Variants in PCCA observed in about 807,000 individuals in gnomAD.
The protein encoded by PCCA is propionyl-CoA carboxylase subunit alpha.
Under a neutral mutation model 101.3 loss-of-function variants are expected in PCCA, and 74 were observed. The ratio of observed to expected loss-of-function variants is 0.73; its 90% CI spans 0.61 to 0.89. PCCA has a LOEUF of 0.89. Among genes scored for constraint, PCCA ranks in the 40% least tolerant of loss-of-function variants. The pLI is 0.00. For missense variants in PCCA, 891 were observed against 907.0 expected (o/e 0.98, Z 0.23); for synonymous variants, 294 against 313.6 (o/e 0.94, Z 0.66).
At chr13:100,240,367 A>G (rs2061045961) in intron 8 of PCCA, among the ~76,000 whole-genome samples, 1 of 149,232 alleles carries the variant, frequency 6.7e-6, no homozygotes, top group African/African-American at 2.5e-5. Context: ...GCCTTAGGAT[A>G]AGTTTTTTTT....
chr13:100,182,859 G>A (rs1489490374), intron 6 of PCCA, among the ~76,000 whole-genome samples: 1 of 152,096 alleles, frequency 6.6e-6, no homozygotes, highest in African/African-American at 2.4e-5. Context: ...TGCCACTCCC[G>A]TCTGTTCAGA....
intron 17 of PCCA, among the ~76,000 whole-genome samples, chr13:100,331,404 CA>C (rs1381149071): frequency 6.6e-6 from 1 of 152,156 alleles, no homozygotes; most frequent in Non-Finnish European, 1.5e-5. Flanking sequence ...TCCCATATTT[CA>C]AGTGTTCTTT....
At chr13:100,311,413 T>C (rs1339833486) in intron 16 of PCCA, among the ~76,000 whole-genome samples, 1 of 152,154 alleles carries the variant, frequency 6.6e-6, no homozygotes, top group Non-Finnish European at 1.5e-5. Context: ...CTGGCTTATG[T>C]TGTTCAATAA....
At chr13:100,326,014 G>A (rs1395372303) in intron 16 of PCCA, among the ~76,000 whole-genome samples, 2 of 152,146 alleles carry the variant, frequency 1.3e-5, no homozygotes, top group East Asian at 1.9e-4. Context: ...GTATGGAAAC[G>A]ATCGTTGACA....
intron 21 of PCCA, among the ~76,000 whole-genome samples, chr13:100,483,328 C>T (rs2084103520): frequency 6.6e-6 from 1 of 152,212 alleles, no homozygotes; most frequent in South Asian, 2.1e-4. Context: ...AAGCTTCCCA[C>T]TGTTCTCAGC....
At chr13:100,210,126 C>T (rs2059119273) in intron 7 of PCCA, among the ~76,000 whole-genome samples, 1 of 151,636 alleles carries the variant, frequency 6.6e-6, no homozygotes, top group Non-Finnish European at 1.5e-5. Context: ...TGCAGACACA[C>T]ACCACCACAC....
At chr13:100,459,671 A>G (rs1262229728) in intron 21 of PCCA, among the ~76,000 whole-genome samples, 1 of 152,224 alleles carries the variant, frequency 6.6e-6, no homozygotes, top group African/African-American at 2.4e-5. Context: ...CCTTGAGAAC[A>G]AATTGCTTGA....
At chr13:100,188,160 G>T (rs574689989) in intron 6 of PCCA, among the ~76,000 whole-genome samples, 1 of 152,334 alleles carries the variant, frequency 6.6e-6, no homozygotes, top group South Asian at 2.1e-4. Flanking sequence ...GGATGTGGTG[G>T]CACATGCCTG....
At chr13:100,320,879 G>T (rs2067955809) in intron 16 of PCCA, among the ~76,000 whole-genome samples, 1 of 152,126 alleles carries the variant, frequency 6.6e-6, no homozygotes, top group African/African-American at 2.4e-5. Context: ...TGACTCCTGA[G>T]TAGCTGGGAC....
In PCCA at chr13:100,530,425, A is replaced by G; in HGVS notation, c.*259A>G. ...CAAAATTAAATCAATAAAACTGAGC[A>G]TTTGTCTAAATATTAGTTTGCCCTT... On this transcript the variant is annotated 3_prime_UTR_variant, in exon 24 of 24. Coordinates refer to ENST00000376285, the MANE Select transcript of PCCA (RefSeq NM_000282.4). 1.8e-6 allele frequency: 1 copy of G among 566,054 alleles called. No homozygotes were observed. The highest frequency in any genetic ancestry group is 3.2e-6 in the Non-Finnish European group (1 of 315,690). The allele number at this position is 566,054 out of a possible 1,614,324, so 35.1% of individuals were successfully genotyped here. A position where few individuals can be genotyped will look rare whatever the true frequency, so the allele number is the denominator to read the frequency against.
At chr13:100,313,493 T>TTA (rs2067096859) in intron 16 of PCCA, among the ~76,000 whole-genome samples, 1 of 151,998 alleles carries the variant, frequency 6.6e-6, no homozygotes, top group Admixed American at 6.6e-5. Context: ...GGGGATGAAA[T>TTA]TATAGGTGCT....
intron 19 of PCCA, among the ~76,000 whole-genome samples, chr13:100,401,916 A>T (rs953913191): frequency 6.6e-6 from 1 of 152,110 alleles, no homozygotes; most frequent in African/African-American, 2.4e-5. Context: ...TAGTATTGGG[A>T]TAGAATTTTA....
At chr13:100,132,270 C>CCAGTACCCCTCAGACTCCCTTGTGAGT (rs2050593279) in intron 4 of PCCA, among the ~76,000 whole-genome samples, 1 of 133,798 alleles carries the variant, frequency 7.5e-6, no homozygotes, top group African/African-American at 2.9e-5. Context: ...CAGAGTAGTT[C>CCAGTACCCCTCAGACTCCCTTGTGAGT]CATTACCCCT....
intron 8 of PCCA, 51 bp downstream of exon 8, chr13:100,235,929 C>T (rs570739121): frequency 1.8e-5 from 21 of 1,141,694 alleles, no homozygotes; most frequent in East Asian, 4.7e-5. Flanking sequence ...TCAGCAGATA[C>T]GGTTGAGTCA....
intron 21 of PCCA, among the ~76,000 whole-genome samples, chr13:100,507,024 A>G (rs1023984223): frequency 4.6e-5 from 7 of 152,240 alleles, no homozygotes; most frequent in Admixed American, 4.6e-4. Context: ...TTCGAGATAC[A>G]GAATAGAAAC....
In PCCA at chr13:100,235,912, G is replaced by C. The variant is rs781382780; in HGVS notation, c.637+34G>C. 9 of 1,407,564 alleles carry C rather than the reference G, an allele frequency of 6.4e-6. No homozygotes were observed. In the Admixed American group the frequency reaches 1.3e-4, roughly 21 times the overall value. 87.2% of individuals were successfully genotyped at this position (1,407,564 alleles called of 1,614,324 possible). ...TTAAATTAACTTTGGTAGGATTTCT[G>C]TGTCTTTCAGCAGATACGGTTGAGT... On this transcript the variant is annotated intron_variant, in intron 8 of 23. Transcript: ENST00000376285.
chr13:100,240,889 A>C (rs1298689082), intron 8 of PCCA, among the ~76,000 whole-genome samples: 1 of 152,124 alleles, frequency 6.6e-6, no homozygotes, highest in Non-Finnish European at 1.5e-5. Context: ...ACACAATATA[A>C]TGTGAACAAA....
At chr13:100,414,331 C>T (rs972942191) in intron 19 of PCCA, among the ~76,000 whole-genome samples, 1 of 152,134 alleles carries the variant, frequency 6.6e-6, no homozygotes, top group East Asian at 1.9e-4. Context: ...ACAACCATCT[C>T]ATTTCCCTCT....
chr13:100,410,611 G>C (rs766003443), intron 19 of PCCA, among the ~76,000 whole-genome samples: 1 of 152,130 alleles, frequency 6.6e-6, no homozygotes, highest in African/African-American at 2.4e-5. Flanking sequence ...CAGTTCTTGC[G>C]GACCTCTCCT....
Sources: allele counts gnomAD v4.1 joint callset (sites outside exome capture counted in the v4.1 genomes callset), GRCh38; gene constraint gnomAD v4.1.1; transcripts MANE v1.5; gene names NCBI Gene and HGNC (gene_info 2026-07-23, HGNC 2026-07-21).